PNPLA1: variants seen among roughly 807,000 people sequenced by gnomAD.
The protein encoded by PNPLA1 is patatin like domain 1, omega-hydroxyceramide transacylase, also known as omega-hydroxyceramide transacylase.
In PNPLA1, 36 loss-of-function variants were observed where a neutral mutation model predicts 51.7. The observed-to-expected ratio is 0.70, with a 90% confidence interval of 0.53 to 0.92. The LOEUF is 0.92. Among genes scored for constraint, PNPLA1 ranks in the 40% least tolerant of loss-of-function variants. The pLI, the probability that PNPLA1 is intolerant of heterozygous loss-of-function variation, is 0.00. For synonymous variants in PNPLA1, 293 were observed against 280.1 expected (o/e 1.05, Z -0.46); for missense variants, 658 against 682.5 (o/e 0.96, Z 0.40).
Position 36,291,479 on chromosome 6 carries a change from T to G in PNPLA1, c.365T>G (p.Val122Gly). 1 of 1,611,704 alleles carries G rather than the reference T, an allele frequency of 6.2e-7. No homozygotes were observed. The highest frequency in any genetic ancestry group is 8.5e-7 in the Non-Finnish European group (1 of 1,179,182). ...AAGGTCACCACGGGGAAGCTCCATG[T>G]GAGCCTCACCCGCTTAACGGACGGG... Reference protein sequence around the residue: ...SYKVTTGKLHVSLTRLTDGEN... With the variant: ...SYKVTTGKLHGSLTRLTDGEN... The change falls in exon 2 of 9, where the codon GTG (valine) becomes GGG (glycine). Residue 122 changes from valine to glycine, a missense_variant. Physicochemically the swap from Val to Gly is moderately radical, Grantham distance 109 (BLOSUM62 -3). Coordinates refer to ENST00000636260, the MANE Select transcript of PNPLA1 (RefSeq NM_001374623.1).
In PNPLA1 at chr6:36,313,711, GC is replaced by G. The variant is rs1393242068; in HGVS notation, c.*1828del. ...TGGGGGAGACTGACTAGAGAGGCCC[GC>G]CCGGCCGCAGGCCTTTCTTCCAGGA... is the stretch of plus-strand genomic sequence containing the variant. On this transcript the variant is annotated 3_prime_UTR_variant, in exon 9 of 9. Transcript: ENST00000636260. Among the ~76,000 whole-genome samples, 1 of 152,228 alleles carries G rather than the reference GC, an allele frequency of 6.6e-6. No individual in the cohort carries two copies. The highest frequency in any genetic ancestry group is 1.5e-5 in the Non-Finnish European group (1 of 68,032).
At chr6:36,245,135 G>C (rs1391974164) in intron 1 of PNPLA1, among the ~76,000 whole-genome samples, 1 of 152,184 alleles carries the variant, frequency 6.6e-6, no homozygotes, top group Non-Finnish European at 1.5e-5. Context: ...CCTGGGGTCA[G>C]CAGAAAGGAA....
intron 1 of PNPLA1, among the ~76,000 whole-genome samples, chr6:36,246,714 G>A (rs12197499): frequency 0.086 from 13,077 of 152,110 alleles, 659 homozygotes; most frequent in Middle Eastern, 0.15. Context: ...TTCGAGCTCC[G>A]TCCTTTTGCC....
intron 1 of PNPLA1, among the ~76,000 whole-genome samples, chr6:36,285,534 A>G (rs1770462202): frequency 6.6e-6 from 1 of 152,218 alleles, no homozygotes; most frequent in Admixed American, 6.5e-5. Flanking sequence ...GTTGGGGAAG[A>G]GAAGCCTTCT....
chr6:36,288,261 G>A, intron 1 of PNPLA1, among the ~76,000 whole-genome samples: 1 of 152,024 alleles, frequency 6.6e-6, no homozygotes, highest in East Asian at 1.9e-4. Flanking sequence ...AACCACTCTT[G>A]GTTTCCTGAT....
At chr6:36,310,032 TA>T (rs1771352563) in intron 8 of PNPLA1, among the ~76,000 whole-genome samples, 1 of 152,208 alleles carries the variant, frequency 6.6e-6, no homozygotes, top group Non-Finnish European at 1.5e-5. Flanking sequence ...TGTTGTTTTT[TA>T]ATCAGAGGTT....
intron 1 of PNPLA1, among the ~76,000 whole-genome samples, chr6:36,258,495 C>T (rs977664361): frequency 6.6e-6 from 1 of 152,184 alleles, no homozygotes; most frequent in Non-Finnish European, 1.5e-5. Flanking sequence ...GATCACTCTC[C>T]AGAGTTTTCA....
In PNPLA1 at chr6:36,307,713, G is replaced by A. The variant is rs1771286388; in HGVS notation, c.1595+1G>A. The A allele has an allele frequency of 6.2e-7, 1 of 1,613,836 alleles. No individual in the cohort carries two copies. On this transcript the variant is annotated splice_donor_variant, in intron 8 of 8. Coordinates refer to ENST00000636260, the MANE Select transcript of PNPLA1 (RefSeq NM_001374623.1). LOFTEE classifies it high-confidence loss of function. The stretch of plus-strand genomic sequence containing the variant: ...CCAAAAAACCAAGCAGCAAAGTGCA[G>A]TGAGCATGTCTAATGTTCCTTAAAT...
upstream of PNPLA1, chr6:36,243,182 C>T (rs1478057356): frequency 2.0e-5 from 3 of 152,152 alleles, no homozygotes; most frequent in African/African-American, 4.8e-5. Flanking sequence ...ACAAAATCAG[C>T]CAGGGGGAGC....
intron 1 of PNPLA1, among the ~76,000 whole-genome samples, chr6:36,290,346 G>A (rs1382874192): frequency 6.6e-6 from 1 of 152,194 alleles, no homozygotes; most frequent in Non-Finnish European, 1.5e-5. Context: ...AGCAGGTGTG[G>A]GCTCGGCTGC....
intron 1 of PNPLA1, among the ~76,000 whole-genome samples, chr6:36,282,140 A>AAGGAAG (rs1770325214): frequency 7.8e-6 from 1 of 127,532 alleles, no homozygotes; most frequent in Non-Finnish European, 1.7e-5. Context: ...AAGGAAGGAA[A>AAGGAAG]GAGAGACAGA....
intron 1 of PNPLA1, among the ~76,000 whole-genome samples, chr6:36,280,098 C>T (rs184362157): frequency 1.3e-3 from 197 of 152,222 alleles, no homozygotes; most frequent in Admixed American, 2.2e-3. Flanking sequence ...CGTAGCTACT[C>T]GGGAGGCTGA....
chr6:36,292,549 C>T (rs1239389227), intron 2 of PNPLA1, among the ~76,000 whole-genome samples: 3 of 152,210 alleles, frequency 2.0e-5, no homozygotes, highest in Non-Finnish European at 2.9e-5. Flanking sequence ...AACCCAGTCC[C>T]TCCTGCCAGG....
At position 36,285,527 on chromosome 6, in the gene PNPLA1, G is replaced by A. The variant is rs186023882; in HGVS notation, c.206-5793G>A. ...ATTTCGCAAGAGGCCATGTGGAGTT[G>A]GGGAAGAGAAGCCTTCTGTTTTTAT... On this transcript the variant is annotated intron_variant, in intron 1 of 8. Coordinates refer to ENST00000636260, the MANE Select transcript of PNPLA1 (RefSeq NM_001374623.1). Among the ~76,000 whole-genome samples, 415 of 152,292 alleles carry A rather than the reference G, an allele frequency of 2.7e-3. 3 individuals are homozygous for A. The highest frequency in any genetic ancestry group is 0.025 in the South Asian group (118 of 4,808).
intron 1 of PNPLA1, among the ~76,000 whole-genome samples, chr6:36,259,998 TA>T (rs1769613774): frequency 6.6e-6 from 1 of 152,068 alleles, no homozygotes. Context: ...ATTTTTTTTT[TA>T]AGAAATGAAA....
rs557597829 is a variant in PNPLA1 at position 36,246,623 on chromosome 6, TCAGAGACAA to T, written c.-81+3366_-81+3374del. On this transcript the variant is annotated intron_variant, in intron 1 of 7. Coordinates refer to the PNPLA1 transcript ENST00000312917. ...ATGGTGGCATCTACTTGGTATGATTTCAGAGACAACAGGAAGGTCCTTTATGCATAAGAA... is the reference window on the plus strand; with the variant it reads ...ATGGTGGCATCTACTTGGTATGATTTCAGGAAGGTCCTTTATGCATAAGAA... 3.4e-3 allele frequency among the ~76,000 whole-genome samples: 525 copies of T among 152,306 alleles called. 3 individuals are homozygous for T. The highest frequency in any genetic ancestry group is 0.012 in the African/African-American group (492 of 41,564).
intron 7 of PNPLA1, among the ~76,000 whole-genome samples, chr6:36,306,981 C>T (rs1771256829): frequency 6.6e-6 from 1 of 152,108 alleles, no homozygotes; most frequent in Non-Finnish European, 1.5e-5. Flanking sequence ...ACCACATTAC[C>T]CAGGCTCCCT....
intron 5 of PNPLA1, among the ~76,000 whole-genome samples, chr6:36,299,335 G>GTTTTTTTTTTTTTTT (rs767505825): frequency 1.7e-5 from 1 of 58,772 alleles, no homozygotes; most frequent in African/African-American, 4.4e-5. Flanking sequence ...TTTTTTGTCT[G>GTTTTTTTTTTTTTTT]TTTTTTTTTT....
At chr6:36,276,338 G>T (rs1770096974) in intron 1 of PNPLA1, among the ~76,000 whole-genome samples, 1 of 152,114 alleles carries the variant, frequency 6.6e-6, no homozygotes, top group Admixed American at 6.6e-5. Context: ...GAGATCCTGT[G>T]TTTTTTTCCT....
Sources: allele counts gnomAD v4.1 joint callset (sites outside exome capture counted in the v4.1 genomes callset), GRCh38; gene constraint gnomAD v4.1.1; transcripts MANE v1.5; gene names NCBI Gene and HGNC (gene_info 2026-07-23, HGNC 2026-07-21).